Variants in ADAMTSL1 observed in about 807,000 individuals in gnomAD.
The protein encoded by ADAMTSL1 is ADAMTS-like protein 1.
In ADAMTSL1, 126 loss-of-function variants were observed where a neutral mutation model predicts 201.8. The observed-to-expected ratio is 0.62, with a 90% confidence interval of 0.54 to 0.72. ADAMTSL1 has a LOEUF of 0.72. Ranked by LOEUF, ADAMTSL1 falls within the 30% of genes least tolerant of loss-of-function variation. ADAMTSL1 has a pLI of 0.00. For synonymous variants in ADAMTSL1, 1,121 were observed against 903.4 expected, an observed-to-expected ratio of 1.24 and a Z score of -4.32; for missense variants, 2,679 against 2,277.8, an observed-to-expected ratio of 1.18 and a Z score of -3.59.
At chr9:18,112,597 A>G (rs921078492) in intron 1 of ADAMTSL1, among the ~76,000 whole-genome samples, 12 of 151,548 alleles carry the variant, frequency 7.9e-5, no homozygotes, top group Non-Finnish European at 1.5e-4. Context: ...TCCTTTTGGG[A>G]GAAACCTAAG....
chr9:18,089,234 A>G (rs192289353), intron 1 of ADAMTSL1, among the ~76,000 whole-genome samples: 4 of 152,268 alleles, frequency 2.6e-5, no homozygotes, highest in Admixed American at 1.3e-4. Flanking sequence ...CATAAATGAT[A>G]GACTTGATAA....
chr9:18,782,638 A>G (rs1298489905), intron 19 of ADAMTSL1, among the ~76,000 whole-genome samples: 1 of 152,228 alleles, frequency 6.6e-6, no homozygotes, highest in Non-Finnish European at 1.5e-5. Context: ...AAGCAAGAAA[A>G]AGATCAGGTG....
chr9:18,451,417 C>T (rs1820401427), intron 2 of ADAMTSL1, among the ~76,000 whole-genome samples: 1 of 152,154 alleles, frequency 6.6e-6, no homozygotes, highest in African/African-American at 2.4e-5. Context: ...ACAGCTTTAC[C>T]TGTCTAAATA....
chr9:18,657,242 G>A (rs1475912009), intron 7 of ADAMTSL1, among the ~76,000 whole-genome samples: 1 of 152,018 alleles, frequency 6.6e-6, no homozygotes, highest in African/African-American at 2.4e-5. Flanking sequence ...TTTATTTTCT[G>A]CAGTATATAA....
At chr9:18,476,707 G>T (rs1821472274) in intron 1 of ADAMTSL1, among the ~76,000 whole-genome samples, 1 of 152,008 alleles carries the variant, frequency 6.6e-6, no homozygotes, top group Non-Finnish European at 1.5e-5. Flanking sequence ...CACATTGCAA[G>T]GATTCTGTCT....
At chr9:18,493,868 G>A (rs1156726369) in intron 1 of ADAMTSL1, among the ~76,000 whole-genome samples, 1 of 152,174 alleles carries the variant, frequency 6.6e-6, no homozygotes, top group East Asian at 1.9e-4. Context: ...TTCATTTAAT[G>A]AATATTCACT....
intron 23 of ADAMTSL1, among the ~76,000 whole-genome samples, chr9:18,840,055 C>G (rs2131312691): frequency 6.7e-6 from 1 of 148,436 alleles, no homozygotes; most frequent in Non-Finnish European, 1.5e-5. Context: ...TCCCATTTGT[C>G]AATTTTGTCT....
intron 2 of ADAMTSL1, among the ~76,000 whole-genome samples, chr9:18,410,231 G>C (rs1416889210): frequency 6.6e-6 from 1 of 151,288 alleles, no homozygotes; most frequent in East Asian, 1.9e-4. Flanking sequence ...TAAGCTCAAG[G>C]GTACATTTGC....
intron 2 of ADAMTSL1, among the ~76,000 whole-genome samples, chr9:18,240,593 C>A (rs1831024222): frequency 6.6e-6 from 1 of 152,180 alleles, no homozygotes; most frequent in Non-Finnish European, 1.5e-5. Flanking sequence ...AAAGAACTGA[C>A]TTCTCCTATC....
chr9:18,468,012 C>T (rs983418450), intron 2 of ADAMTSL1, among the ~76,000 whole-genome samples: 2 of 152,192 alleles, frequency 1.3e-5, no homozygotes, highest in African/African-American at 4.8e-5. Flanking sequence ...ATGTATTACA[C>T]TTGGGTTTAC....
intron 23 of ADAMTSL1, among the ~76,000 whole-genome samples, chr9:18,881,215 G>A (rs1323058801): frequency 6.6e-6 from 1 of 152,148 alleles, no homozygotes; most frequent in Non-Finnish European, 1.5e-5. Flanking sequence ...CTCTTCTAAT[G>A]TTCTTCAAGA....
chr9:18,375,815 C>T (rs1854548), intron 2 of ADAMTSL1, among the ~76,000 whole-genome samples: 148,412 of 152,308 alleles, frequency 0.97, 72,418 homozygotes, highest in East Asian at 1. Context: ...CATGTCCTGC[C>T]GATTGGCCCA....
chr9:18,335,680 C>A (rs528463507), intron 2 of ADAMTSL1, among the ~76,000 whole-genome samples: 12 of 152,228 alleles, frequency 7.9e-5, no homozygotes, highest in Middle Eastern at 6.8e-3. Context: ...AAAAATAAAT[C>A]TTCAAAAACA....
intron 2 of ADAMTSL1, among the ~76,000 whole-genome samples, chr9:18,447,083 G>A (rs1184906664): frequency 6.6e-6 from 1 of 152,028 alleles, no homozygotes; most frequent in Admixed American, 6.6e-5. Context: ...TGACTAGTTT[G>A]GAACAGTGGT....
chr9:18,187,180 C>T (rs994593970), intron 2 of ADAMTSL1, among the ~76,000 whole-genome samples: 1 of 152,110 alleles, frequency 6.6e-6, no homozygotes, highest in Non-Finnish European at 1.5e-5. Flanking sequence ...TCTGTTGATG[C>T]AGAGTTCTAG....
intron 1 of ADAMTSL1, among the ~76,000 whole-genome samples, chr9:18,490,055 C>G (rs1042350364): frequency 5.3e-5 from 8 of 152,202 alleles, no homozygotes; most frequent in African/African-American, 1.9e-4. Flanking sequence ...GGAGTCTACT[C>G]AAGGACCAAT....
At chr9:18,904,554 A>G (rs1268470354) in intron 26 of ADAMTSL1, among the ~76,000 whole-genome samples, 1 of 139,314 alleles carries the variant, frequency 7.2e-6, no homozygotes, top group Non-Finnish European at 1.5e-5. Context: ...GGATCAATTG[A>G]GCCTGGGAGG....
At chr9:18,527,431 A>T (rs1819151948) in intron 2 of ADAMTSL1, among the ~76,000 whole-genome samples, 1 of 152,220 alleles carries the variant, frequency 6.6e-6, no homozygotes, top group African/African-American at 2.4e-5. Context: ...TTGCTTAGTG[A>T]AGAGATGATA....
In ADAMTSL1 at chr9:18,510,272, T is replaced by C. The variant is rs1040329773; in HGVS notation, c.191+5316T>C. On this transcript the variant is annotated intron_variant, in intron 2 of 28. Coordinates refer to ENST00000380548, the MANE Select transcript of ADAMTSL1 (RefSeq NM_001040272.6). ...ACTACTCAACTTCTGGAGTTAATTT[T>C]GTTCCCTGATGGACCGGGAGCTTGT... is the stretch of plus-strand genomic sequence containing the variant. Among the ~76,000 whole-genome samples the C allele has an allele frequency of 2.0e-5, 3 of 152,244 alleles. No individual in the cohort carries two copies. In the South Asian group the frequency reaches 6.2e-4, roughly 31 times the overall value.
Sources: allele counts gnomAD v4.1 joint callset (sites outside exome capture counted in the v4.1 genomes callset), GRCh38; gene constraint gnomAD v4.1.1; transcripts MANE v1.5; gene names NCBI Gene and HGNC (gene_info 2026-07-23, HGNC 2026-07-21).